EXT1: variants seen among roughly 807,000 people sequenced by gnomAD.
EXT1 encodes exostosin-1.
EXT1 carries 20 observed loss-of-function variants against 82.5 expected under a neutral mutation model. The ratio of observed to expected loss-of-function variants is 0.24; its 90% CI spans 0.17 to 0.35. The LOEUF is 0.35. Among genes scored for constraint, EXT1 ranks in the 10% least tolerant of loss-of-function variants. The pLI is 1.00. For synonymous variants in EXT1, 348 were observed against 350.8 expected (o/e 0.99, Z 0.09); for missense variants, 757 against 936.5 (o/e 0.81, Z 2.50).
At chr8:117,818,400 A>G in intron 7 of EXT1, 35 bp downstream of exon 7, 1 of 1,573,996 alleles carries the variant, frequency 6.4e-7, no homozygotes. Flanking sequence ...AAGGCTCCAC[A>G]GTGGTTCCAC....
At chr8:117,894,234 T>C (rs2129950824) in intron 1 of EXT1, among the ~76,000 whole-genome samples, 1 of 152,254 alleles carries the variant, frequency 6.6e-6, no homozygotes, top group East Asian at 1.9e-4. Context: ...AGATGAGGTC[T>C]CGCTATATTG....
chr8:117,967,355 T>C (rs1814844729), intron 1 of EXT1, among the ~76,000 whole-genome samples: 2 of 152,240 alleles, frequency 1.3e-5, no homozygotes. Context: ...CCAGTACCTT[T>C]ATTATGTCTT....
chr8:118,075,735 G>A (rs766823540), intron 1 of EXT1, among the ~76,000 whole-genome samples: 2 of 152,144 alleles, frequency 1.3e-5, no homozygotes, highest in East Asian at 1.9e-4. Flanking sequence ...GAGGCCTCAG[G>A]AAGCTTAAGT....
intron 1 of EXT1, among the ~76,000 whole-genome samples, chr8:117,988,556 T>C (rs1815366512): frequency 6.6e-6 from 1 of 152,160 alleles, no homozygotes; most frequent in African/African-American, 2.4e-5. Context: ...TGGTAGCTGC[T>C]AGGAACAGAG....
intron 1 of EXT1, among the ~76,000 whole-genome samples, chr8:117,890,498 A>C (rs991839089): frequency 6.6e-6 from 1 of 152,212 alleles, no homozygotes; most frequent in Non-Finnish European, 1.5e-5. Context: ...CTCTGGTCTT[A>C]CATTGGCTTG....
chr8:117,885,830 C>G (rs1367401842), intron 1 of EXT1, among the ~76,000 whole-genome samples: 1 of 152,188 alleles, frequency 6.6e-6, no homozygotes, highest in Non-Finnish European at 1.5e-5. Context: ...CACATGTACA[C>G]CTGGGGGCTT....
chr8:118,035,662 C>T (rs1193153527), intron 1 of EXT1, among the ~76,000 whole-genome samples: 1 of 152,120 alleles, frequency 6.6e-6, no homozygotes, highest in Non-Finnish European at 1.5e-5. Flanking sequence ...GTCATAGTTT[C>T]CCAGTGGCAC....
rs868330457 is a variant in EXT1, at chr8:117,963,584, G to A, written c.963-126383C>T. On this transcript the variant is annotated intron_variant, in intron 1 of 10. Coordinates refer to ENST00000378204, the MANE Select transcript of EXT1 (RefSeq NM_000127.3). ...CAACTCACTGCAACCTCCACCTCCC[G>A]GGTTCAAGCGATTCTCTTGCCTCCG... is the stretch of plus-strand genomic sequence containing the variant. 5.9e-5 allele frequency among the ~76,000 whole-genome samples: 9 copies of A among 152,104 alleles called. No individual in the cohort carries two copies. In the South Asian group the frequency reaches 1.0e-3, roughly 18 times the overall value.
At chr8:117,927,285 A>C (rs1051841376) in intron 1 of EXT1, among the ~76,000 whole-genome samples, 1 of 152,084 alleles carries the variant, frequency 6.6e-6, no homozygotes, top group African/African-American at 2.4e-5. Flanking sequence ...GCAGAAACTC[A>C]CTGTCTTAGT....
intron 1 of EXT1, among the ~76,000 whole-genome samples, chr8:118,013,414 G>A (rs2129840150): frequency 6.6e-6 from 1 of 152,214 alleles, no homozygotes; most frequent in East Asian, 1.9e-4. Context: ...TTACCATGTT[G>A]GCCAGGCTGG....
At position 117,902,982 on chromosome 8, in the gene EXT1, G is replaced by A. The variant is rs1002281420; in HGVS notation, c.963-65781C>T. ...AAAAGTTGTTTTCTTTTTATTCCAC[G>A]GACAGGCATGATTCTGAGAATTCTG... On this transcript the variant is annotated intron_variant, in intron 1 of 10. Coordinates refer to ENST00000378204, the MANE Select transcript of EXT1 (RefSeq NM_000127.3). Among the ~76,000 whole-genome samples the A allele has an allele frequency of 2.0e-5, 3 of 152,088 alleles. 1 individual carries two copies. Among genetic ancestry groups the A allele is most frequent in the Non-Finnish European group, 4.4e-5 (3 of 68,018 alleles).
chr8:117,946,150 C>T (rs564258846), intron 1 of EXT1, among the ~76,000 whole-genome samples: 1 of 152,304 alleles, frequency 6.6e-6, no homozygotes, highest in Admixed American at 6.5e-5. Context: ...CTGCCCGCCT[C>T]GGCATTCCAA....
At chr8:118,024,545 C>T (rs1225549810) in intron 1 of EXT1, among the ~76,000 whole-genome samples, 1 of 151,760 alleles carries the variant, frequency 6.6e-6, no homozygotes, top group East Asian at 1.9e-4. Context: ...AAAAAAACAG[C>T]TTCATTTCTG....
At chr8:117,977,013 G>A (rs1274023521) in intron 1 of EXT1, among the ~76,000 whole-genome samples, 1 of 152,136 alleles carries the variant, frequency 6.6e-6, no homozygotes, top group Non-Finnish European at 1.5e-5. Context: ...CTTTGGAACT[G>A]ATCATTCAGG....
intron 1 of EXT1, among the ~76,000 whole-genome samples, chr8:118,019,111 G>A (rs1286764892): frequency 6.6e-6 from 1 of 151,528 alleles, no homozygotes; most frequent in Non-Finnish European, 1.5e-5. Flanking sequence ...AAAACTTAAA[G>A]GAACAGGCAC....
intron 1 of EXT1, among the ~76,000 whole-genome samples, chr8:118,100,609 G>A (rs925668445): frequency 1.3e-5 from 2 of 152,126 alleles, no homozygotes; most frequent in African/African-American, 4.8e-5. Flanking sequence ...AGCTGGGCAT[G>A]GTGGCATGCA....
At chr8:118,080,947 T>A (rs755271325) in intron 1 of EXT1, among the ~76,000 whole-genome samples, 1 of 152,198 alleles carries the variant, frequency 6.6e-6, no homozygotes, top group Non-Finnish European at 1.5e-5. Context: ...ATAAGACCAT[T>A]AACTCTTTTG....
intron 1 of EXT1, among the ~76,000 whole-genome samples, chr8:118,042,176 G>T (rs1038377828): frequency 1.3e-5 from 2 of 152,160 alleles, no homozygotes; most frequent in African/African-American, 4.8e-5. Flanking sequence ...GCACAAAGAA[G>T]GATTCTAAGA....
chr8:118,111,121 C>T lies in EXT1; in HGVS notation c.-75G>A. 1 of 1,532,222 alleles carries T rather than the reference C, an allele frequency of 6.5e-7. No homozygotes were observed. Among genetic ancestry groups the T allele is most frequent in the South Asian group, 1.2e-5 (1 of 83,778 alleles). The allele number at this position is 1,532,222 out of a possible 1,614,324, so 94.9% of individuals were successfully genotyped here. A position where few individuals can be genotyped will look rare whatever the true frequency, so the allele number is the denominator to read the frequency against. Reference sequence around the variant, plus strand: ...AGTTTCCCAATCAACACTTTCAGCTCCAGTCCGCCATCTTCCCGCCTGTAA... The same window carrying T: ...AGTTTCCCAATCAACACTTTCAGCTTCAGTCCGCCATCTTCCCGCCTGTAA... On this transcript the variant is annotated 5_prime_UTR_variant, in exon 1 of 11. The change creates a premature stop within an existing upstream ORF in the 5' untranslated region. Coordinates refer to ENST00000378204, the MANE Select transcript of EXT1 (RefSeq NM_000127.3).
Sources: gnomAD v4.1 joint callset for allele counts (sites outside exome capture counted in the v4.1 genomes callset) on GRCh38, gnomAD v4.1.1 for gene constraint, MANE v1.5 for transcripts, NCBI Gene and HGNC (gene_info 2026-07-23, HGNC 2026-07-21) for gene names.